Variants in DLC1 observed in about 807,000 individuals in gnomAD.
DLC1 encodes DLC1 Rho GTPase activating protein, also known as rho GTPase-activating protein 7.
In DLC1, 54 loss-of-function variants were observed where a neutral mutation model predicts 140.3. The observed-to-expected ratio is 0.38, with a 90% CI of 0.31 to 0.48. The LOEUF (loss-of-function observed/expected upper bound fraction) is 0.48. Among genes scored for constraint, DLC1 ranks in the 20% least tolerant of loss-of-function variants. The pLI is 0.96. For missense variants in DLC1, 2,536 were observed against 1,907.0 expected, an observed-to-expected ratio of 1.33 and a Z score of -6.14; for synonymous variants, 986 against 728.1, an observed-to-expected ratio of 1.35 and a Z score of -5.70.
intron 4 of DLC1, among the ~76,000 whole-genome samples, chr8:13,382,281 G>A (rs1836300554): frequency 1.3e-5 from 2 of 151,844 alleles, no homozygotes; most frequent in Non-Finnish European, 1.5e-5. Flanking sequence ...GCCGAGGCGG[G>A]CGGATCACGA....
At chr8:13,498,999 A>C in intron 2 of DLC1, 50 bp downstream of exon 2, 1 of 1,524,970 alleles carries the variant, frequency 6.6e-7, no homozygotes, top group African/African-American at 1.4e-5. Flanking sequence ...GATAAATCCA[A>C]GGATATTTAC....
intron 2 of DLC1, among the ~76,000 whole-genome samples, chr8:13,414,905 G>A (rs1054477770): frequency 6.6e-6 from 1 of 152,108 alleles, no homozygotes; most frequent in Non-Finnish European, 1.5e-5. Flanking sequence ...CCACCTCCCA[G>A]GTTCAAGCGA....
intron 2 of DLC1, among the ~76,000 whole-genome samples, chr8:13,464,451 T>C (rs1192299184): frequency 6.6e-6 from 1 of 151,884 alleles, no homozygotes; most frequent in Non-Finnish European, 1.5e-5. Context: ...TCTTTATGGT[T>C]AAACGCAATC....
intron 5 of DLC1, among the ~76,000 whole-genome samples, chr8:13,264,996 A>G (rs1322375611): frequency 6.6e-6 from 1 of 152,176 alleles, no homozygotes; most frequent in Non-Finnish European, 1.5e-5. Flanking sequence ...GAGATTACCT[A>G]CTCTTCAAAA....
chr8:13,290,489 C>T (rs1353648053), intron 5 of DLC1, among the ~76,000 whole-genome samples: 1 of 152,090 alleles, frequency 6.6e-6, no homozygotes, highest in African/African-American at 2.4e-5. Flanking sequence ...ATTTCCCTTT[C>T]TTTCAATTTC....
intron 5 of DLC1, among the ~76,000 whole-genome samples, chr8:13,226,060 A>G (rs12546826): frequency 0.13 from 19,953 of 152,078 alleles, 1,694 homozygotes; most frequent in Admixed American, 0.22. Context: ...AAAGAGGCAC[A>G]TGTCGCCACA....
Position 13,546,511 on chromosome 8 carries a change from G to A in DLC1, c.-125-46315C>T, listed in dbSNP as rs1189201102. ...AATTTTACAAGATCATATTTTAGGT[G>A]CAACTTGAAGTCACCTTCCAGATGT... On this transcript the variant is annotated intron_variant, in intron 1 of 1. Transcript: ENST00000631382. Among the ~76,000 whole-genome samples the A allele has an allele frequency of 3.9e-5, 6 of 152,226 alleles. No homozygotes were observed. In the East Asian group the frequency reaches 1.2e-3, roughly 29 times the overall value.
chr8:13,130,269 C>T lies in DLC1; in HGVS notation c.1349-14612G>A, dbSNP rs1308527073. Among the ~76,000 whole-genome samples, 4 of 152,224 alleles carry T rather than the reference C, an allele frequency of 2.6e-5. No individual in the cohort carries two copies. The East Asian group carries it at 5.8e-4, about 22-fold the overall frequency. ...TCTCACCAAGCCTCTGATTGGAAGG[C>T]ATCTCAACTGTGGCCTCCCATATCC... On this transcript the variant is annotated intron_variant, in intron 5 of 17. Transcript: ENST00000276297.
chr8:13,208,635 T>G (rs1827786218), intron 5 of DLC1, among the ~76,000 whole-genome samples: 1 of 152,070 alleles, frequency 6.6e-6, no homozygotes, highest in African/African-American at 2.4e-5. Context: ...AGATCAAGTA[T>G]GAGTCATGAC....
At chr8:13,110,627 C>A in intron 7 of DLC1, 115 bp downstream of exon 7, 1 of 965,658 alleles carries the variant, frequency 1.0e-6, no homozygotes, top group Admixed American at 2.2e-5. Flanking sequence ...CTATGGTTTG[C>A]CAATAAAAAC....
chr8:13,563,445 T>C (rs747580167), intron 1 of DLC1, among the ~76,000 whole-genome samples: 11 of 152,110 alleles, frequency 7.2e-5, no homozygotes, highest in Non-Finnish European at 1.6e-4. Context: ...TAAATTAAAA[T>C]AATTTTTAAA....
intron 2 of DLC1, among the ~76,000 whole-genome samples, chr8:13,493,677 A>C (rs941066913): frequency 6.6e-6 from 1 of 152,154 alleles, no homozygotes; most frequent in Non-Finnish European, 1.5e-5. Context: ...ACCTCTTTAC[A>C]TTGTAAACTT....
At chr8:13,254,752 A>G (rs569755912) in intron 5 of DLC1, among the ~76,000 whole-genome samples, 2 of 152,076 alleles carry the variant, frequency 1.3e-5, no homozygotes, top group Admixed American at 6.6e-5. Flanking sequence ...GACTTACTCA[A>G]TAGATAAAAG....
intron 5 of DLC1, among the ~76,000 whole-genome samples, chr8:13,128,649 G>T (rs1264610561): frequency 6.6e-6 from 1 of 152,094 alleles, no homozygotes; most frequent in Non-Finnish European, 1.5e-5. Context: ...TGGCTAACAC[G>T]ATGAAACCCT....
chr8:13,598,338 G>A (rs1585317614), intron 1 of DLC1, among the ~76,000 whole-genome samples: 2 of 151,580 alleles, frequency 1.3e-5, no homozygotes, highest in African/African-American at 4.8e-5. Context: ...GGACAGGGAG[G>A]AAACACAACA....
intron 5 of DLC1, among the ~76,000 whole-genome samples, chr8:13,124,959 T>A (rs559419882): frequency 4.6e-5 from 7 of 152,226 alleles, no homozygotes; most frequent in African/African-American, 1.4e-4. Flanking sequence ...AAAGCTAACA[T>A]TTCCAATTTG....
chr8:13,466,905 A>C (rs1401066991), intron 2 of DLC1, among the ~76,000 whole-genome samples: 2 of 151,778 alleles, frequency 1.3e-5, no homozygotes, highest in African/African-American at 4.8e-5. Flanking sequence ...AGTCTAATAC[A>C]TCAAATGTCA....
chr8:13,345,298 G>C (rs958142861), intron 4 of DLC1, among the ~76,000 whole-genome samples: 1 of 152,086 alleles, frequency 6.6e-6, no homozygotes, highest in Non-Finnish European at 1.5e-5. Flanking sequence ...GTAATAACAA[G>C]CAACTTGAGA....
chr8:13,086,117 G>C, intron 17 of DLC1, 173 bp downstream of exon 17: 1 of 1,319,960 alleles, frequency 7.6e-7, no homozygotes, highest in South Asian at 1.6e-5. Context: ...ACCAAATTAC[G>C]AAGTGGTCGC....
Sources: gnomAD v4.1 joint callset for allele counts (sites outside exome capture counted in the v4.1 genomes callset) on GRCh38, gnomAD v4.1.1 for gene constraint, MANE v1.5 for transcripts, NCBI Gene and HGNC (gene_info 2026-07-23, HGNC 2026-07-21) for gene names.